The following PDZRN3 variants were observed in gnomAD, a reference collection of about 807,000 sequenced individuals.
PDZRN3 encodes E3 ubiquitin-protein ligase PDZRN3.
PDZRN3 carries 38 observed loss-of-function variants against 85.7 expected under a neutral mutation model. The ratio of observed to expected loss-of-function variants is 0.44; its 90% CI spans 0.34 to 0.58. PDZRN3 has a LOEUF of 0.58. PDZRN3 is among the 20% of genes least tolerant of loss of function. The pLI, the probability that PDZRN3 is intolerant of heterozygous loss-of-function variation, is 0.01. For missense variants in PDZRN3, 1,629 were observed against 1,506.4 expected (o/e 1.08, Z -1.35); for synonymous variants, 759 against 638.0 (o/e 1.19, Z -2.86).
chr3:73,414,347 T>G (rs142822398), intron 3 of PDZRN3, among the ~76,000 whole-genome samples: 1 of 152,264 alleles, frequency 6.6e-6, no homozygotes, highest in Non-Finnish European at 1.5e-5. Flanking sequence ...GTTGATTCAC[T>G]GTAAACAGAA....
chr3:73,522,213 CT>C (rs1704384512), intron 3 of PDZRN3, among the ~76,000 whole-genome samples: 3 of 152,162 alleles, frequency 2.0e-5, no homozygotes, highest in African/African-American at 7.2e-5. Flanking sequence ...CTCTCTGGCC[CT>C]TTAAAGAAGT....
intron 3 of PDZRN3, among the ~76,000 whole-genome samples, chr3:73,430,513 T>G: frequency 6.6e-6 from 1 of 152,196 alleles, no homozygotes; most frequent in African/African-American, 2.4e-5. Flanking sequence ...GGGGTGGCAC[T>G]CTGTTCCCCT....
At chr3:73,393,746 T>A (rs891686178) in intron 5 of PDZRN3, among the ~76,000 whole-genome samples, 2 of 152,176 alleles carry the variant, frequency 1.3e-5, no homozygotes, top group Admixed American at 1.3e-4. Flanking sequence ...TTGCTTGTAT[T>A]CAAGCAAGAA....
At chr3:73,499,579 T>C (rs4624509) in intron 3 of PDZRN3, among the ~76,000 whole-genome samples, 3,202 of 152,326 alleles carry the variant, frequency 0.021, 86 homozygotes, top group African/African-American at 0.07. Context: ...TTTTCTGGAA[T>C]GATCCTAATT....
intron 3 of PDZRN3, among the ~76,000 whole-genome samples, chr3:73,517,412 A>G (rs1428978379): frequency 1.3e-5 from 2 of 152,206 alleles, no homozygotes; most frequent in Non-Finnish European, 2.9e-5. Flanking sequence ...TCAACAAAAC[A>G]TTGCATAATT....
chr3:73,610,675 T>C (rs572468551), intron 1 of PDZRN3, among the ~76,000 whole-genome samples: 4 of 152,304 alleles, frequency 2.6e-5, no homozygotes, highest in Non-Finnish European at 4.4e-5. Flanking sequence ...TAATCAATGA[T>C]AGAAACTGCA....
At chr3:73,432,335 A>G (rs1282138278) in intron 3 of PDZRN3, among the ~76,000 whole-genome samples, 1 of 152,230 alleles carries the variant, frequency 6.6e-6, no homozygotes, top group Admixed American at 6.5e-5. Context: ...AAATGCTTTG[A>G]AAAGGACTTA....
intron 3 of PDZRN3, among the ~76,000 whole-genome samples, chr3:73,563,986 T>C (rs1325557461): frequency 6.6e-6 from 1 of 152,148 alleles, no homozygotes; most frequent in Non-Finnish European, 1.5e-5. Context: ...TGCAACCACC[T>C]TGAACACACA....
chr3:73,624,909 GCCGC>G lies in PDZRN3; in HGVS notation c.-88_-85del, dbSNP rs2106928294. 2 of 1,077,592 alleles carry G rather than the reference GCCGC, an allele frequency of 1.9e-6. No individual in the cohort carries two copies. The highest frequency in any genetic ancestry group is 8.0e-5 in the South Asian group (2 of 24,980). 66.8% of individuals were successfully genotyped at this position (1,077,592 alleles called of 1,614,324 possible). On this transcript the variant is annotated 5_prime_UTR_variant, in exon 1 of 10. Coordinates refer to ENST00000263666, the MANE Select transcript of PDZRN3 (RefSeq NM_015009.3). ...GAGGCGGCCCAGACAGGCCGGCTAC[GCCGC>G]CCGCGCGCTCGCTGGCTCTCCCCGG... is the stretch of plus-strand genomic sequence containing the variant.
At chr3:73,507,098 T>C (rs1052140517) in intron 3 of PDZRN3, among the ~76,000 whole-genome samples, 2 of 152,182 alleles carry the variant, frequency 1.3e-5, no homozygotes, top group East Asian at 1.9e-4. Flanking sequence ...AAAGTAAAAG[T>C]AGGCAACAAT....
At chr3:73,443,310 G>A (rs1575657784) in intron 3 of PDZRN3, among the ~76,000 whole-genome samples, 1 of 151,980 alleles carries the variant, frequency 6.6e-6, no homozygotes, top group East Asian at 1.9e-4. Flanking sequence ...CTTCCCAGTT[G>A]CCAAACTCCA....
intron 1 of PDZRN3, chr3:73,623,708 A>G: frequency 6.0e-6 from 1 of 167,178 alleles, no homozygotes; most frequent in Non-Finnish European, 1.3e-5. Flanking sequence ...GTGTCAGTCT[A>G]TAGGTTTCTG....
At chr3:73,487,056 C>G (rs1703677499) in intron 3 of PDZRN3, among the ~76,000 whole-genome samples, 1 of 152,136 alleles carries the variant, frequency 6.6e-6, no homozygotes. Context: ...AACTTCTCAT[C>G]TACATGAGAA....
At chr3:73,616,605 G>GA (rs1276831897) in intron 1 of PDZRN3, among the ~76,000 whole-genome samples, 1 of 152,188 alleles carries the variant, frequency 6.6e-6, no homozygotes, top group Non-Finnish European at 1.5e-5. Flanking sequence ...GGCTTACAAT[G>GA]AAACCAAATT....
chr3:73,575,342 G>A (rs543177527), intron 3 of PDZRN3, among the ~76,000 whole-genome samples: 1 of 152,108 alleles, frequency 6.6e-6, no homozygotes, highest in South Asian at 2.1e-4. Flanking sequence ...AGAAGGTTCA[G>A]AGACCCCATT....
intron 3 of PDZRN3, among the ~76,000 whole-genome samples, chr3:73,585,677 T>C (rs895240633): frequency 3.3e-5 from 5 of 152,204 alleles, no homozygotes; most frequent in African/African-American, 1.2e-4. Flanking sequence ...ATGGAAATTC[T>C]GTGACAACAA....
intron 3 of PDZRN3, among the ~76,000 whole-genome samples, chr3:73,545,374 G>T (rs1701400364): frequency 6.6e-6 from 1 of 152,246 alleles, no homozygotes; most frequent in Admixed American, 6.5e-5. Context: ...GAAAAATCCT[G>T]GTAGCTACTG....
intron 3 of PDZRN3, among the ~76,000 whole-genome samples, chr3:73,448,258 T>C (rs1444932233): frequency 1.3e-5 from 2 of 152,242 alleles, no homozygotes; most frequent in Non-Finnish European, 1.5e-5. Context: ...CATTTTTTCT[T>C]CTAACCACCT....
chr3:73,410,105 T>C (rs1701935751), intron 3 of PDZRN3, among the ~76,000 whole-genome samples: 1 of 152,190 alleles, frequency 6.6e-6, no homozygotes, highest in South Asian at 2.1e-4. Context: ...AATTAAAACA[T>C]AGAATTCACT....
Sources: gnomAD v4.1 joint callset for allele counts (sites outside exome capture counted in the v4.1 genomes callset) on GRCh38, gnomAD v4.1.1 for gene constraint, MANE v1.5 for transcripts, NCBI Gene and HGNC (gene_info 2026-07-23, HGNC 2026-07-21) for gene names.